Variants in MMP16 observed in about 807,000 individuals in gnomAD.
MMP16 encodes the protein matrix metallopeptidase 16, also known as matrix metalloproteinase-16.
Under a neutral mutation model 67.8 loss-of-function variants are expected in MMP16, and 12 were observed. The ratio of observed to expected loss-of-function variants is 0.18; its 90% CI spans 0.11 to 0.29. The LOEUF is 0.29. Ranked by LOEUF, MMP16 falls within the 10% of genes least tolerant of loss-of-function variation. The probability of loss-of-function intolerance (pLI) is 1.00; values close to 1 mark genes in which losing one functional copy is unlikely to be tolerated. For synonymous variants in MMP16, 249 were observed against 255.9 expected (o/e 0.97, Z 0.26); for missense variants, 475 against 765.7 (o/e 0.62, Z 4.48).
At chr8:88,186,398 G>T in intron 3 of MMP16, 78 bp downstream of exon 3, 1 of 1,558,334 alleles carries the variant, frequency 6.4e-7, no homozygotes, top group South Asian at 1.1e-5. Context: ...TCAACGTGCA[G>T]AAGATACTAA....
Position 88,249,718 on chromosome 8 carries a change from C to T in MMP16, c.133-52412G>A, listed in dbSNP as rs1022383434. Among the ~76,000 whole-genome samples, 3 of 152,102 alleles carry T rather than the reference C, an allele frequency of 2.0e-5. No homozygotes were observed. In the East Asian group the frequency reaches 5.8e-4, roughly 30 times the overall value. On this transcript the variant is annotated intron_variant, in intron 1 of 9. Coordinates refer to ENST00000286614, the MANE Select transcript of MMP16 (RefSeq NM_005941.5). ...CCAGACAGTGGCTTTAGGGAGAAGG[C>T]AGGCAAGACTACCACTGGCTGTAGA...
intron 4 of MMP16, among the ~76,000 whole-genome samples, chr8:88,150,911 G>C (rs892905923): frequency 1.5e-5 from 2 of 137,488 alleles, no homozygotes; most frequent in Non-Finnish European, 3.1e-5. Context: ...AAAAGACACA[G>C]ACTGGCAAGT....
chr8:88,129,002 C>A (rs1807983267), intron 4 of MMP16, among the ~76,000 whole-genome samples: 1 of 151,688 alleles, frequency 6.6e-6, no homozygotes, highest in African/African-American at 2.4e-5. Context: ...ATTCCAATAT[C>A]AAGGAAGTAG....
intron 1 of MMP16, among the ~76,000 whole-genome samples, chr8:88,235,011 T>G (rs1353282711): frequency 1.3e-5 from 2 of 152,208 alleles, no homozygotes; most frequent in Non-Finnish European, 2.9e-5. Context: ...TTCTTTCTTT[T>G]TGCATTTAGC....
chr8:88,234,856 A>G (rs1809915897), intron 1 of MMP16, among the ~76,000 whole-genome samples: 1 of 152,228 alleles, frequency 6.6e-6, no homozygotes, highest in Non-Finnish European at 1.5e-5. Flanking sequence ...AGAAAGTAAC[A>G]TAATAATAAG....
At chr8:88,174,008 G>A (rs1205956501) in intron 3 of MMP16, among the ~76,000 whole-genome samples, 1 of 152,040 alleles carries the variant, frequency 6.6e-6, no homozygotes, top group Non-Finnish European at 1.5e-5. Flanking sequence ...TGAAGTCTTT[G>A]GGTTTAGAGA....
At chr8:88,066,109 T>C (rs1034090979) in intron 7 of MMP16, among the ~76,000 whole-genome samples, 6 of 152,146 alleles carry the variant, frequency 3.9e-5, no homozygotes, top group African/African-American at 1.4e-4. Flanking sequence ...AGACAACCTT[T>C]CAGCTACTTG....
intron 1 of MMP16, among the ~76,000 whole-genome samples, chr8:88,236,048 T>G (rs1809935279): frequency 6.6e-6 from 1 of 152,226 alleles, no homozygotes; most frequent in Admixed American, 6.5e-5. Context: ...AGCAATAAAG[T>G]AAACCACCAA....
intron 6 of MMP16, among the ~76,000 whole-genome samples, chr8:88,079,509 T>G (rs958425998): frequency 6.6e-6 from 1 of 152,132 alleles, no homozygotes; most frequent in Non-Finnish European, 1.5e-5. Flanking sequence ...CCTCCATGGG[T>G]AAGAGGGGAC....
At chr8:88,107,686 G>C (rs565388616) in intron 6 of MMP16, among the ~76,000 whole-genome samples, 2 of 151,124 alleles carry the variant, frequency 1.3e-5, no homozygotes, top group East Asian at 3.9e-4. Flanking sequence ...TGGAAGTTCT[G>C]CACATTTCTT....
At chr8:88,291,908 C>T (rs114778707) in intron 1 of MMP16, among the ~76,000 whole-genome samples, 2 of 152,088 alleles carry the variant, frequency 1.3e-5, no homozygotes, top group African/African-American at 2.4e-5. Context: ...CTGTAATCCT[C>T]GTGTTAGTAG....
At chr8:88,082,315 T>C (rs1490065837) in intron 6 of MMP16, among the ~76,000 whole-genome samples, 1 of 152,124 alleles carries the variant, frequency 6.6e-6, no homozygotes, top group Non-Finnish European at 1.5e-5. Context: ...TATTTATTTC[T>C]GGTAGGAGTG....
intron 1 of MMP16, among the ~76,000 whole-genome samples, chr8:88,296,151 C>T (rs747328466): frequency 3.9e-5 from 6 of 152,070 alleles, no homozygotes; most frequent in African/African-American, 9.7e-5. Flanking sequence ...ATTTATTCAA[C>T]GATTATTCGC....
At chr8:88,197,061 A>T in intron 2 of MMP16, 97 bp downstream of exon 2, 1 of 1,135,176 alleles carries the variant, frequency 8.8e-7, no homozygotes, top group Non-Finnish European at 1.2e-6. Context: ...GAGACAAATT[A>T]CTCCATTTCT....
In MMP16 at chr8:88,038,651, G is replaced by A. The variant is rs1320011481; in HGVS notation, c.*2810C>T. 1 of 152,426 alleles carries A rather than the reference G, an allele frequency of 6.6e-6. No homozygotes were observed. The highest frequency in any genetic ancestry group is 1.5e-5 in the Non-Finnish European group (1 of 67,968). 9.4% of individuals were successfully genotyped at this position (152,426 alleles called of 1,614,324 possible). ...CAGTTATTTTTTTCTTGACATCAAG[G>A]CCCTAAAAGGATTAAACCCTCCCAC... On this transcript the variant is annotated 3_prime_UTR_variant, in exon 10 of 10. Transcript: ENST00000286614. This position sits in a 1 kb window ranked among gnomAD's most constrained non-coding sequence, Gnocchi z 4.1.
intron 1 of MMP16, among the ~76,000 whole-genome samples, chr8:88,295,216 G>A (rs1017519494): frequency 2.6e-5 from 4 of 152,092 alleles, no homozygotes; most frequent in African/African-American, 9.7e-5. Flanking sequence ...ATATTACTTC[G>A]ATGTTTCCTC....
In MMP16 at chr8:88,036,247, A is replaced by G. The variant is rs1043775128; in HGVS notation, c.*5214T>C. The G allele has an allele frequency of 1.3e-5, 2 of 151,942 alleles. No individual in the cohort carries two copies. The highest frequency in any genetic ancestry group is 6.6e-5 in the Admixed American group (1 of 15,222). The allele number at this position is 151,942 out of a possible 1,614,324, so 9.4% of individuals were successfully genotyped here. A position where few individuals can be genotyped will look rare whatever the true frequency, so the allele number is the denominator to read the frequency against. The stretch of plus-strand genomic sequence containing the variant: ...ACCACTGGCTAAATATTACATTGAT[A>G]TATCACATAATCATCACTAGTGCAA... On this transcript the variant is annotated 3_prime_UTR_variant, in exon 10 of 10. Transcript: ENST00000286614.
intron 1 of MMP16, among the ~76,000 whole-genome samples, chr8:88,221,591 A>G (rs1037705688): frequency 2.7e-5 from 4 of 148,364 alleles, no homozygotes; most frequent in Non-Finnish European, 6.0e-5. Flanking sequence ...AATAGTTTTT[A>G]AACACAATTA....
intron 1 of MMP16, among the ~76,000 whole-genome samples, chr8:88,322,682 A>G (rs972225729): frequency 6.6e-6 from 1 of 151,824 alleles, no homozygotes; most frequent in Non-Finnish European, 1.5e-5. Flanking sequence ...TAAAAAAAAA[A>G]AAAGAAAAAA....
Sources: allele counts gnomAD v4.1 joint callset (sites outside exome capture counted in the v4.1 genomes callset), GRCh38; gene constraint gnomAD v4.1.1; non-coding constraint Gnocchi (gnomAD v3.1); transcripts MANE v1.5; gene names NCBI Gene and HGNC (gene_info 2026-07-23, HGNC 2026-07-21).